Variants in BAHD1 observed in about 807,000 individuals in gnomAD.
The protein encoded by BAHD1 is bromo adjacent homology domain-containing 1 protein.
In BAHD1, 20 loss-of-function variants were observed where a neutral mutation model predicts 63.1. That is an observed-to-expected ratio of 0.32 (90% CI 0.22 to 0.46). The LOEUF (loss-of-function observed/expected upper bound fraction) is 0.46. BAHD1 is among the 20% of genes least tolerant of loss of function. The pLI is 1.00. For missense variants in BAHD1, 939 were observed against 1,071.8 expected (o/e 0.88, Z 1.73); for synonymous variants, 408 against 426.8 (o/e 0.96, Z 0.54).
chr15:40,451,633 C>T (rs975879177), intron 1 of BAHD1, among the ~76,000 whole-genome samples: 1 of 152,130 alleles, frequency 6.6e-6, no homozygotes, highest in Non-Finnish European at 1.5e-5. Context: ...AAGCCATTGA[C>T]TAAGGCCACA....
intron 1 of BAHD1, among the ~76,000 whole-genome samples, chr15:40,456,507 T>A (rs1595856653): frequency 6.6e-6 from 1 of 152,228 alleles, no homozygotes; most frequent in Admixed American, 6.5e-5. Context: ...CTGCCTCTCC[T>A]TTCCAGTTTT....
At chr15:40,445,088 A>G (rs995628529) in intron 1 of BAHD1, among the ~76,000 whole-genome samples, 1 of 152,116 alleles carries the variant, frequency 6.6e-6, no homozygotes, top group Admixed American at 6.5e-5. Context: ...CCTAGAACAC[A>G]GTCCTTCCTC....
chr15:40,454,808 T>C (rs760979231), intron 1 of BAHD1, among the ~76,000 whole-genome samples: 4 of 151,936 alleles, frequency 2.6e-5, no homozygotes, highest in South Asian at 2.1e-4. Context: ...GGATAGTGCG[T>C]AATTGGGAGG....
In BAHD1 at chr15:40,458,882, C is replaced by T; in HGVS notation, c.418C>T (p.Leu140=). 6.3e-7 allele frequency: 1 copy of T among 1,592,958 alleles called. No individual in the cohort carries two copies. The highest frequency in any genetic ancestry group is 8.6e-7 in the Non-Finnish European group (1 of 1,168,494). Residue 140 remains leucine, a synonymous_variant, in exon 2 of 7, where the codon CTG becomes TTG. Transcript: ENST00000416165. The surrounding 1 kb of genome is among the most constrained non-coding windows in gnomAD (Gnocchi z 4.7). ...GCTGGAGCGAGAGGACACCAGCAGC[C>T]TGGCAGGCACCCGCCGCAGTCGAGC... ...LLLEREDTSS[L]AGTRRSRAGD...
In BAHD1 at chr15:40,459,670, C is replaced by A; in HGVS notation, c.1206C>A (p.Gly402=). The change falls in exon 2 of 7, where the codon GGC becomes GGA. Residue 402 remains glycine (G), a synonymous_variant. Coordinates refer to ENST00000416165, the MANE Select transcript of BAHD1 (RefSeq NM_014952.5). Reference sequence around the variant, plus strand: ...CGCCCTGCCCCATGCTTCCTGAGGGCAAGCTGTCCCCAGTGGCTGCACCTC... The same window carrying A: ...CGCCCTGCCCCATGCTTCCTGAGGGAAAGCTGTCCCCAGTGGCTGCACCTC... ...GYSPCPMLPE[G]KLSPVAAPHE... 6.2e-7 allele frequency: 1 copy of A among 1,614,058 alleles called. No individual in the cohort carries two copies. The highest frequency in any genetic ancestry group is 8.5e-7 in the Non-Finnish European group (1 of 1,179,976).
intron 1 of BAHD1, among the ~76,000 whole-genome samples, chr15:40,445,770 C>G (rs1389631911): frequency 6.6e-6 from 1 of 152,176 alleles, no homozygotes; most frequent in Non-Finnish European, 1.5e-5. Flanking sequence ...CTACCCCGAC[C>G]CAAGTATTTA....
chr15:40,441,708 C>T (rs1443981103), intron 1 of BAHD1, among the ~76,000 whole-genome samples: 2 of 148,478 alleles, frequency 1.3e-5, no homozygotes, highest in Admixed American at 6.7e-5. Flanking sequence ...AGTGCGCGGG[C>T]GGCGAGGCCC....
At chr15:40,451,172 A>C (rs905539981) in intron 1 of BAHD1, among the ~76,000 whole-genome samples, 30 of 150,036 alleles carry the variant, frequency 2.0e-4, no homozygotes, top group African/African-American at 7.2e-4. Flanking sequence ...AAAAAAAAAA[A>C]CTTTAGCTTT....
chr15:40,438,518 G>T (rs997760863), upstream of BAHD1, among the ~76,000 whole-genome samples: 1 of 152,070 alleles, frequency 6.6e-6, no homozygotes, highest in South Asian at 2.1e-4. Flanking sequence ...AGCGGACACC[G>T]CCACCCACAC....
At chr15:40,438,756 T>G (rs1893326816), upstream of BAHD1, among the ~76,000 whole-genome samples, 1 of 152,184 alleles carries the variant, frequency 6.6e-6, no homozygotes, top group Non-Finnish European at 1.5e-5. Flanking sequence ...AACGTGGGCT[T>G]CCTGCCACTT....
intron 1 of BAHD1, among the ~76,000 whole-genome samples, chr15:40,448,087 CA>C (rs1297776636): frequency 6.6e-6 from 1 of 151,916 alleles, no homozygotes; most frequent in Admixed American, 6.6e-5. Flanking sequence ...ACTAAAAATA[CA>C]AAAATTAGCC....
rs765026573 is a variant in BAHD1 at position 40,466,132 on chromosome 15, C to A, written c.*2C>A. The A allele has an allele frequency of 6.2e-7, 1 of 1,611,078 alleles. No individual in the cohort carries two copies. Among genetic ancestry groups the A allele is most frequent in the Non-Finnish European group, 8.5e-7 (1 of 1,178,282 alleles). ...CGCATCCTTAAGAACCCCCAGTAGCCTCCTCATGCCCATGCTGGGGCTACC... is the reference window on the plus strand; with the variant it reads ...CGCATCCTTAAGAACCCCCAGTAGCATCCTCATGCCCATGCTGGGGCTACC... On this transcript the variant is annotated 3_prime_UTR_variant, in exon 7 of 7. Transcript: ENST00000416165.
At chr15:40,446,293 A>G (rs1463538826) in intron 1 of BAHD1, among the ~76,000 whole-genome samples, 1 of 152,268 alleles carries the variant, frequency 6.6e-6, no homozygotes, top group African/African-American at 2.4e-5. Flanking sequence ...TGGTCTGCTC[A>G]GGGCCAGACG....
intron 5 of BAHD1, chr15:40,464,977 T>C: frequency 2.6e-6 from 1 of 383,334 alleles, no homozygotes; most frequent in Non-Finnish European, 4.8e-6. Flanking sequence ...GACTGCCATC[T>C]GTGTGTGCCC....
At chr15:40,460,237 A>G (rs992657580) in intron 2 of BAHD1, among the ~76,000 whole-genome samples, 9 of 152,116 alleles carry the variant, frequency 5.9e-5, no homozygotes, top group African/African-American at 2.2e-4. Flanking sequence ...AGCAGGTTAG[A>G]TATTGGAATT....
rs679882 is a variant in BAHD1 at position 40,467,148 on chromosome 15, G to C, written c.*1018G>C. The C allele has an allele frequency of 6.6e-6, 1 of 152,580 alleles. No homozygotes were observed. Among genetic ancestry groups the C allele is most frequent in the Non-Finnish European group, 1.5e-5 (1 of 68,060 alleles). The allele number at this position is 152,580 out of a possible 1,614,324, so 9.5% of individuals were successfully genotyped here. Reference sequence around the variant, plus strand: ...AAGAATCAACACTGTATCAGTCCACGGACCTGCTGAGCTGCAGCCACTTGC... The same window carrying C: ...AAGAATCAACACTGTATCAGTCCACCGACCTGCTGAGCTGCAGCCACTTGC... On this transcript the variant is annotated 3_prime_UTR_variant, in exon 7 of 7. Coordinates refer to ENST00000416165, the MANE Select transcript of BAHD1 (RefSeq NM_014952.5).
At chr15:40,444,821 A>G in intron 1 of BAHD1, among the ~76,000 whole-genome samples, 1 of 152,144 alleles carries the variant, frequency 6.6e-6, no homozygotes, top group Non-Finnish European at 1.5e-5. Context: ...TAGTGAAAAA[A>G]TATATTCTGC....
At position 40,440,961 on chromosome 15, in the gene BAHD1, G is replaced by A. The variant is rs1163192552; in HGVS notation, c.-322G>A. 2.0e-5 allele frequency among the ~76,000 whole-genome samples: 3 copies of A among 151,732 alleles called. No homozygotes were observed. Among genetic ancestry groups the A allele is most frequent in the Admixed American group, 6.6e-5 (1 of 15,242 alleles). ...GAGGCTCCGCTCTCGGGGAGTTTGT[G>A]GGGGAACCGCGAGCGGCGTAGCGGA... On this transcript the variant is annotated 5_prime_UTR_variant, in exon 1 of 7. Transcript: ENST00000416165.
chr15:40,461,602 T>A (rs1384055123), intron 2 of BAHD1, among the ~76,000 whole-genome samples: 8 of 151,682 alleles, frequency 5.3e-5, no homozygotes, highest in African/African-American at 7.3e-5. Flanking sequence ...ATAGCACCAC[T>A]GCACTCTAGC....
Sources: gnomAD v4.1 joint callset for allele counts (sites outside exome capture counted in the v4.1 genomes callset) on GRCh38, gnomAD v4.1.1 for gene constraint, Gnocchi (gnomAD v3.1) non-coding constraint, MANE v1.5 for transcripts, NCBI Gene and HGNC (gene_info 2026-07-23, HGNC 2026-07-21) for gene names.